INPP4B: variants seen among roughly 807,000 people sequenced by gnomAD.
The protein encoded by INPP4B is inositol polyphosphate 4-phosphatase type II.
In INPP4B, 55 loss-of-function variants were observed where a neutral mutation model predicts 122.5. The observed-to-expected ratio is 0.45, with a 90% CI of 0.36 to 0.56. The LOEUF is 0.56. Ranked by LOEUF, INPP4B falls within the 20% of genes least tolerant of loss-of-function variation. INPP4B has a pLI of 0.00. For missense variants in INPP4B, 1,000 were observed against 1,097.7 expected (o/e 0.91, Z 1.26); for synonymous variants, 403 against 388.7 (o/e 1.04, Z -0.43).
intron 3 of INPP4B, among the ~76,000 whole-genome samples, chr4:142,449,474 C>T (rs931981865): frequency 3.9e-5 from 6 of 152,022 alleles, no homozygotes; most frequent in Admixed American, 6.6e-5. Context: ...GAGGTTGAGG[C>T]GGGTGGATCA....
chr4:142,816,566 A>T (rs1780143170), intron 1 of INPP4B, among the ~76,000 whole-genome samples: 1 of 152,046 alleles, frequency 6.6e-6, no homozygotes, highest in Non-Finnish European at 1.5e-5. Flanking sequence ...CTTAAAAAAA[A>T]CAAATAATAA....
intron 1 of INPP4B, among the ~76,000 whole-genome samples, chr4:142,750,481 G>T (rs1455307965): frequency 6.6e-6 from 1 of 152,082 alleles, no homozygotes; most frequent in Non-Finnish European, 1.5e-5. Flanking sequence ...TGTCAGGAAG[G>T]ATGTCTCTTT....
intron 12 of INPP4B, among the ~76,000 whole-genome samples, chr4:142,210,514 T>C (rs2149548219): frequency 6.6e-6 from 1 of 152,260 alleles, no homozygotes; most frequent in East Asian, 1.9e-4. Flanking sequence ...GGAGTTGAAT[T>C]CTGTTTGCAC....
intron 1 of INPP4B, among the ~76,000 whole-genome samples, chr4:142,812,664 A>G (rs1400460680): frequency 1.3e-5 from 2 of 152,166 alleles, no homozygotes; most frequent in Non-Finnish European, 2.9e-5. Context: ...ATTATATTAC[A>G]TTATTGATGT....
At chr4:142,611,941 T>C (rs941357528) in intron 2 of INPP4B, among the ~76,000 whole-genome samples, 2 of 152,216 alleles carry the variant, frequency 1.3e-5, no homozygotes, top group Admixed American at 1.3e-4. Context: ...AGTGCTGGGA[T>C]TATAGGCGTG....
At chr4:142,438,032 C>T (rs568337598) in intron 3 of INPP4B, among the ~76,000 whole-genome samples, 1 of 152,240 alleles carries the variant, frequency 6.6e-6, no homozygotes, top group African/African-American at 2.4e-5. Flanking sequence ...CTATAAACCA[C>T]TGCTCAAGGT....
intron 25 of INPP4B, among the ~76,000 whole-genome samples, chr4:142,059,744 G>T (rs376820554): frequency 3.3e-5 from 5 of 152,062 alleles, no homozygotes; most frequent in Non-Finnish European, 7.4e-5. Flanking sequence ...AGCATTTTGG[G>T]GCAGTAGGTA....
In INPP4B at chr4:142,029,851, A is replaced by G. The variant is rs569106260; in HGVS notation, c.2643-937T>C. On this transcript the variant is annotated intron_variant, in intron 25 of 25. Coordinates refer to ENST00000262992, the MANE Select transcript of INPP4B (RefSeq NM_001101669.3). Reference sequence around the variant, plus strand: ...AGGAGGTTCAGAACTTCAAGCTTTCAGGATTCTGTTCTTTGTCTTATTCCA... The same window carrying G: ...AGGAGGTTCAGAACTTCAAGCTTTCGGGATTCTGTTCTTTGTCTTATTCCA... 260 of 1,067,208 alleles carry G rather than the reference A, an allele frequency of 2.4e-4. No individual in the cohort carries two copies. The African/African-American group carries it at 4.2e-3, about 17-fold the overall frequency. The allele number at this position is 1,067,208 out of a possible 1,614,324, so 66.1% of individuals were successfully genotyped here.
intron 2 of INPP4B, among the ~76,000 whole-genome samples, chr4:142,508,666 T>C (rs1350317424): frequency 1.3e-5 from 2 of 152,188 alleles, no homozygotes; most frequent in Non-Finnish European, 2.9e-5. Flanking sequence ...AACCATGGCA[T>C]AGTGGTGTGA....
chr4:142,551,808 G>A (rs915791261), intron 2 of INPP4B, among the ~76,000 whole-genome samples: 5 of 152,130 alleles, frequency 3.3e-5, no homozygotes, highest in African/African-American at 4.8e-5. Context: ...AAATTGGATG[G>A]CAAGAAGGCA....
chr4:142,804,702 T>C (rs1322004100), intron 1 of INPP4B, among the ~76,000 whole-genome samples: 3 of 152,216 alleles, frequency 2.0e-5, no homozygotes, highest in Non-Finnish European at 2.9e-5. Context: ...GGTCTCACTC[T>C]GTTACTCAGG....
chr4:142,188,648 GA>G lies in INPP4B; in HGVS notation c.1181+4438del, dbSNP rs982959487. On this transcript the variant is annotated intron_variant, in intron 15 of 25. Coordinates refer to ENST00000262992, the MANE Select transcript of INPP4B (RefSeq NM_001101669.3). ...GAGTCTAGGGATCATGCTAGAAATA[GA>G]AAAAAAAAAATCCAAGTAGGGAAAA... is the stretch of plus-strand genomic sequence containing the variant. 3.8e-3 allele frequency among the ~76,000 whole-genome samples: 529 copies of G among 137,762 alleles called. 3 individuals are homozygous for G. The highest frequency in any genetic ancestry group is 0.012 in the African/African-American group (436 of 37,618). 90.4% of individuals were successfully genotyped at this position (137,762 alleles called of 152,430 possible).
intron 1 of INPP4B, among the ~76,000 whole-genome samples, chr4:142,754,925 T>C (rs1241619508): frequency 6.6e-6 from 1 of 152,008 alleles, no homozygotes; most frequent in Admixed American, 6.6e-5. Flanking sequence ...ACTAAAAATA[T>C]GTTGCATTTG....
At chr4:142,471,763 CCGCAA>C (rs1818876140) in intron 2 of INPP4B, among the ~76,000 whole-genome samples, 1 of 136,096 alleles carries the variant, frequency 7.3e-6, no homozygotes, top group African/African-American at 2.6e-5. Flanking sequence ...TCCTGAGCAC[CCGCAA>C]TCCAAGCCTG....
chr4:142,354,005 G>C (rs1185146128), intron 7 of INPP4B, among the ~76,000 whole-genome samples: 2 of 151,728 alleles, frequency 1.3e-5, no homozygotes, highest in African/African-American at 4.8e-5. Flanking sequence ...TTTCCCCACT[G>C]TGTGATTTAA....
chr4:142,450,992 G>T, intron 3 of INPP4B, among the ~76,000 whole-genome samples: 1 of 148,026 alleles, frequency 6.8e-6, no homozygotes, highest in African/African-American at 2.5e-5. Flanking sequence ...CCCAAAAAAA[G>T]TATAACCTAT....
At chr4:142,413,451 C>T (rs747508194) in intron 5 of INPP4B, among the ~76,000 whole-genome samples, 1 of 152,148 alleles carries the variant, frequency 6.6e-6, no homozygotes, top group Admixed American at 6.5e-5. Flanking sequence ...ATGCAAGAAT[C>T]TCTTAGGCAT....
At chr4:142,293,164 A>C (rs1757166245) in intron 9 of INPP4B, among the ~76,000 whole-genome samples, 1 of 151,410 alleles carries the variant, frequency 6.6e-6, no homozygotes, top group Non-Finnish European at 1.5e-5. Flanking sequence ...TCAGCCTCCC[A>C]AGTAGCTGGG....
At chr4:142,657,185 C>A (rs146037630) in intron 2 of INPP4B, among the ~76,000 whole-genome samples, 3 of 152,042 alleles carry the variant, frequency 2.0e-5, no homozygotes. Flanking sequence ...GAAAAACAAG[C>A]GCTTGGATCT....
Sources: gnomAD v4.1 joint callset for allele counts (sites outside exome capture counted in the v4.1 genomes callset) on GRCh38, gnomAD v4.1.1 for gene constraint, MANE v1.5 for transcripts, NCBI Gene and HGNC (gene_info 2026-07-23, HGNC 2026-07-21) for gene names.